ACADSB: variants seen among roughly 807,000 people sequenced by gnomAD.
ACADSB encodes the protein acyl-CoA dehydrogenase short/branched chain, also known as short/branched chain specific acyl-CoA dehydrogenase, mitochondrial.
In ACADSB, 40 loss-of-function variants were observed where a neutral mutation model predicts 54.1. That is an observed-to-expected ratio of 0.74 (90% CI 0.57 to 0.96). The LOEUF is 0.96. Among genes scored for constraint, ACADSB ranks in the 40% least tolerant of loss-of-function variants. The pLI, the probability that ACADSB is intolerant of heterozygous loss-of-function variation, is 0.00. For missense variants in ACADSB, 530 were observed against 510.4 expected, an observed-to-expected ratio of 1.04 and a Z score of -0.37; for synonymous variants, 182 against 182.8, an observed-to-expected ratio of 1.00 and a Z score of 0.03.
chr10:123,048,754 A>C, intron 8 of ACADSB, among the ~76,000 whole-genome samples: 1 of 151,974 alleles, frequency 6.6e-6, no homozygotes, highest in South Asian at 2.1e-4. Context: ...TTTGAGACAG[A>C]GTCTCGCTCT....
chr10:123,015,347 T>C, intron 1 of ACADSB, among the ~76,000 whole-genome samples: 1 of 152,204 alleles, frequency 6.6e-6, no homozygotes, highest in East Asian at 1.9e-4. Flanking sequence ...TGGGCCTACA[T>C]TGTCGTTTTT....
intron 2 of ACADSB, among the ~76,000 whole-genome samples, chr10:123,036,850 T>C (rs953559910): frequency 1.3e-5 from 2 of 152,162 alleles, no homozygotes; most frequent in Non-Finnish European, 2.9e-5. Flanking sequence ...GAAGAGATTC[T>C]ACATAATGAG....
At chr10:123,009,113 C>T in intron 1 of ACADSB, 42 bp downstream of exon 1, 1 of 1,538,394 alleles carries the variant, frequency 6.5e-7, no homozygotes, top group Non-Finnish European at 8.7e-7. Flanking sequence ...CCCAGGGCGA[C>T]CTTGGCCCCT....
At chr10:123,038,583 A>AT (rs553743545) in intron 3 of ACADSB, among the ~76,000 whole-genome samples, 51 of 152,164 alleles carry the variant, frequency 3.4e-4, no homozygotes, top group Middle Eastern at 6.8e-3. Context: ...TATAAAATAT[A>AT]TTTTTTTTAA....
chr10:123,023,641 T>G (rs1486467488), intron 1 of ACADSB, among the ~76,000 whole-genome samples: 1 of 152,170 alleles, frequency 6.6e-6, no homozygotes, highest in Admixed American at 6.5e-5. Flanking sequence ...CATGGCAGTT[T>G]GGTTTTTAAA....
At chr10:123,044,813 A>G (rs1850529142) in intron 7 of ACADSB, among the ~76,000 whole-genome samples, 2 of 152,156 alleles carry the variant, frequency 1.3e-5, no homozygotes, top group African/African-American at 4.8e-5. Context: ...AAAGCATGAA[A>G]TTCATTCTGG....
chr10:123,017,737 C>T (rs1479233049), intron 1 of ACADSB, among the ~76,000 whole-genome samples: 2 of 152,200 alleles, frequency 1.3e-5, no homozygotes, highest in Admixed American at 6.5e-5. Flanking sequence ...ACAAAAACTT[C>T]CCAAGGACAC....
intron 1 of ACADSB, among the ~76,000 whole-genome samples, chr10:123,028,771 T>C (rs1200605534): frequency 6.6e-6 from 1 of 151,934 alleles, no homozygotes; most frequent in Non-Finnish European, 1.5e-5. Flanking sequence ...TGGCTTACAA[T>C]TGTAATCTCA....
intron 5 of ACADSB, among the ~76,000 whole-genome samples, 176 bp downstream of exon 5, chr10:123,041,555 A>G (rs1850474382): frequency 6.6e-6 from 1 of 152,142 alleles, no homozygotes; most frequent in Non-Finnish European, 1.5e-5. Context: ...CCTAAAGTAA[A>G]TATTGTTGAC....
At chr10:123,048,968 G>A (rs11592058) in intron 8 of ACADSB, among the ~76,000 whole-genome samples, 13,842 of 152,084 alleles carry the variant, frequency 0.091, 705 homozygotes, top group Non-Finnish European at 0.11. Flanking sequence ...TGCCCGCTTC[G>A]GCCTCCCAAA....
At chr10:123,022,054 C>T (rs1188716799) in intron 1 of ACADSB, among the ~76,000 whole-genome samples, 1 of 151,972 alleles carries the variant, frequency 6.6e-6, no homozygotes, top group Non-Finnish European at 1.5e-5. Flanking sequence ...AAAAAAAATA[C>T]ATAAAGGCCT....
Position 123,051,149 on chromosome 10 carries a change from TAA to T in ACADSB, c.1094_1095del (p.Lys365ArgfsTer19). The T allele has an allele frequency of 1.5e-6, 2 of 1,348,692 alleles. No homozygotes were observed. The highest frequency in any genetic ancestry group is 4.6e-5 in the African/African-American group (2 of 43,524). 83.5% of individuals were successfully genotyped at this position (1,348,692 alleles called of 1,614,324 possible). On this transcript the variant is annotated frameshift_variant, in exon 9 of 11. Coordinates refer to ENST00000358776, the MANE Select transcript of ACADSB (RefSeq NM_001609.4). LOFTEE classifies it high-confidence loss of function. Reference sequence around the variant, plus strand: ...CTTTTAGAAGCTGGAAAGCCATTCATAAAAGAAGCGTCAATGGCCAAATACTA... The same window carrying T: ...CTTTTAGAAGCTGGAAAGCCATTCATAAGAAGCGTCAATGGCCAAATACTA...
At chr10:123,010,019 ATAAT>A (rs1440223604) in intron 1 of ACADSB, among the ~76,000 whole-genome samples, 1 of 152,214 alleles carries the variant, frequency 6.6e-6, no homozygotes, top group African/African-American at 2.4e-5. Context: ...CTTATTAGAG[ATAAT>A]TAATGTTATT....
intron 1 of ACADSB, among the ~76,000 whole-genome samples, chr10:123,021,156 GA>G (rs1195824738): frequency 1.3e-5 from 2 of 152,296 alleles, no homozygotes; most frequent in South Asian, 2.1e-4. Flanking sequence ...TCAAGGGAGA[GA>G]AAGCCAAATT....
chr10:123,054,238 G>C lies in ACADSB; in HGVS notation c.*473G>C, dbSNP rs189484621. 3.2e-3 allele frequency: 528 copies of C among 163,090 alleles called. 1 individual carries two copies. Among genetic ancestry groups the C allele is most frequent in the African/African-American group, 0.012 (494 of 41,666 alleles). 10.1% of individuals were successfully genotyped at this position (163,090 alleles called of 1,614,324 possible). On this transcript the variant is annotated 3_prime_UTR_variant, in exon 11 of 11. Coordinates refer to ENST00000358776, the MANE Select transcript of ACADSB (RefSeq NM_001609.4). ...GATGGGGTTTTACCATATTGCCCAG[G>C]CTGGTCTTCTGGCTTCTGGATATCG...
intron 2 of ACADSB, 136 bp from the exon 3 acceptor site, chr10:123,037,611 T>C (rs1850416600): frequency 5.1e-6 from 3 of 589,368 alleles, no homozygotes; most frequent in Admixed American, 3.3e-5. Flanking sequence ...AAGAAAACTT[T>C]ATAAATTCTA....
At chr10:123,013,827 C>A (rs10902860) in intron 1 of ACADSB, among the ~76,000 whole-genome samples, 1 of 152,066 alleles carries the variant, frequency 6.6e-6, no homozygotes, top group Non-Finnish European at 1.5e-5. Context: ...CACGCCCACC[C>A]GGAACTCTAG....
chr10:123,053,355 A>G (rs918748761), intron 10 of ACADSB, among the ~76,000 whole-genome samples, 195 bp downstream of exon 10: 1 of 152,162 alleles, frequency 6.6e-6, no homozygotes, highest in Admixed American at 6.5e-5. Flanking sequence ...TATTTTTAAA[A>G]AATATCAAAT....
intron 2 of ACADSB, among the ~76,000 whole-genome samples, chr10:123,036,558 C>G (rs932109189): frequency 3.3e-5 from 5 of 152,110 alleles, no homozygotes; most frequent in African/African-American, 1.2e-4. Context: ...TAGTATCCAC[C>G]TAGTCTAAGC....
Sources: gnomAD v4.1 joint callset for allele counts (sites outside exome capture counted in the v4.1 genomes callset) on GRCh38, gnomAD v4.1.1 for gene constraint, MANE v1.5 for transcripts, NCBI Gene and HGNC (gene_info 2026-07-23, HGNC 2026-07-21) for gene names.